The following CARNMT1 variants were observed in gnomAD, a reference collection of about 807,000 sequenced individuals.
CARNMT1 encodes carnosine N-methyltransferase 1.
CARNMT1 carries 28 observed loss-of-function variants against 49.6 expected under a neutral mutation model. The observed-to-expected ratio is 0.56, with a 90% confidence interval of 0.42 to 0.77. The LOEUF is 0.77. CARNMT1 is among the 30% of genes least tolerant of loss of function. CARNMT1 has a pLI of 0.00. For synonymous variants in CARNMT1, 178 were observed against 175.0 expected, an observed-to-expected ratio of 1.02 and a Z score of -0.13; for missense variants, 421 against 512.6, an observed-to-expected ratio of 0.82 and a Z score of 1.73.
chr9:75,009,083 A>C lies in CARNMT1; in HGVS notation c.590+7185T>G, dbSNP rs1025798483. On this transcript the variant is annotated intron_variant, in intron 3 of 7. Transcript: ENST00000376834. ...GTCTTTTTTTTTTTTTTTTTTTTTA[A>C]CAAATGTATTGGGAAAACTGGATAT... Among the ~76,000 whole-genome samples the C allele has an allele frequency of 1.4e-4, 21 of 146,314 alleles. No homozygotes were observed. The East Asian group carries it at 2.6e-3, about 18-fold the overall frequency.
chr9:74,995,351 C>T (rs1277193185), intron 6 of CARNMT1, among the ~76,000 whole-genome samples: 3 of 152,058 alleles, frequency 2.0e-5, no homozygotes, highest in Non-Finnish European at 4.4e-5. Flanking sequence ...TTTGAGATTC[C>T]ACAAGGTATT....
chr9:75,015,160 A>G (rs902635265), intron 3 of CARNMT1, among the ~76,000 whole-genome samples: 1 of 152,190 alleles, frequency 6.6e-6, no homozygotes, highest in Admixed American at 6.5e-5. Flanking sequence ...GGGAATGGGA[A>G]AAAATTACAT....
intron 4 of CARNMT1, 67 bp from the exon 5 acceptor site, chr9:74,998,843 C>T (rs1833274159): frequency 2.2e-6 from 2 of 915,800 alleles, no homozygotes; most frequent in African/African-American, 3.4e-5. Flanking sequence ...ACTTTAAATA[C>T]TAAAAATATA....
chr9:75,007,790 T>C (rs1166906985), intron 3 of CARNMT1, among the ~76,000 whole-genome samples: 1 of 148,890 alleles, frequency 6.7e-6, no homozygotes, highest in African/African-American at 2.5e-5. Flanking sequence ...ATAAAGGGTA[T>C]TTACGAAAGT....
In CARNMT1 at chr9:74,982,036, A is replaced by AAT. The variant is rs1832705839; in HGVS notation, c.*1730_*1731insAT. 1 of 151,900 alleles carries AAT rather than the reference A, an allele frequency of 6.6e-6. No individual in the cohort carries two copies. The highest frequency in any genetic ancestry group is 2.1e-4 in the South Asian group (1 of 4,818). The allele number at this position is 151,900 out of a possible 1,614,324, so 9.4% of individuals were successfully genotyped here. On this transcript the variant is annotated 3_prime_UTR_variant, in exon 8 of 8. Coordinates refer to ENST00000376834, the MANE Select transcript of CARNMT1 (RefSeq NM_152420.3). ...AGAGAAATCTTAAAAAAAAAAAAAA[A>AAT]AGGTTACAGTCTTCCCAATTTTGAC...
chr9:74,984,838 C>T, intron 7 of CARNMT1, 69 bp downstream of exon 7: 1 of 959,784 alleles, frequency 1.0e-6, no homozygotes, highest in Non-Finnish European at 1.7e-6. Flanking sequence ...CACTAACAGC[C>T]ATGATATCAA....
chr9:75,002,935 G>A (rs1238065178), intron 3 of CARNMT1, among the ~76,000 whole-genome samples: 5 of 152,034 alleles, frequency 3.3e-5, no homozygotes, highest in East Asian at 1.9e-4. Flanking sequence ...ATGGGGTTTC[G>A]CCGTGTTGCC....
At chr9:75,027,450 A>G in intron 1 of CARNMT1, 2 of 985,274 alleles carry the variant, frequency 2.0e-6, no homozygotes, top group Non-Finnish European at 2.4e-6. Context: ...AAAGACACTG[A>G]GCAGCATCAT....
chr9:75,023,670 C>A (rs982390975), intron 1 of CARNMT1, among the ~76,000 whole-genome samples: 4 of 152,220 alleles, frequency 2.6e-5, no homozygotes, highest in Non-Finnish European at 5.9e-5. Flanking sequence ...CACTATCCTG[C>A]ACATGCTTAC....
chr9:74,989,227 T>G (rs2118758246), intron 6 of CARNMT1, among the ~76,000 whole-genome samples: 1 of 152,204 alleles, frequency 6.6e-6, no homozygotes, highest in East Asian at 1.9e-4. Flanking sequence ...TCCTCCCACC[T>G]CAGGTCCCAA....
chr9:75,010,963 T>C (rs966916025), intron 3 of CARNMT1, among the ~76,000 whole-genome samples: 6 of 152,054 alleles, frequency 3.9e-5, no homozygotes, highest in African/African-American at 1.4e-4. Flanking sequence ...ACTTTTGTTA[T>C]ATGCAATTCA....
chr9:75,018,397 C>T (rs974476772), intron 1 of CARNMT1, among the ~76,000 whole-genome samples: 51 of 152,076 alleles, frequency 3.4e-4, no homozygotes, highest in African/African-American at 1.2e-3. Context: ...TAAATATATA[C>T]TCACAGTATA....
At chr9:75,007,751 A>T (rs1401399313) in intron 3 of CARNMT1, among the ~76,000 whole-genome samples, 1 of 150,620 alleles carries the variant, frequency 6.6e-6, no homozygotes, top group African/African-American at 2.4e-5. Flanking sequence ...ATAATAAAAA[A>T]AAAAAAACTA....
intron 6 of CARNMT1, among the ~76,000 whole-genome samples, chr9:74,991,997 C>G (rs912182700): frequency 1.3e-5 from 2 of 152,112 alleles, no homozygotes; most frequent in African/African-American, 4.8e-5. Flanking sequence ...CTAGGCCAGG[C>G]ACAGTGGCTC....
intron 6 of CARNMT1, among the ~76,000 whole-genome samples, chr9:74,994,468 G>A (rs1833127720): frequency 6.6e-6 from 1 of 152,156 alleles, no homozygotes; most frequent in African/African-American, 2.4e-5. Flanking sequence ...CTCAGGGCAT[G>A]TTGCCCAGGC....
chr9:74,985,103 G>A, intron 6 of CARNMT1, 93 bp from the exon 7 acceptor site: 1 of 921,262 alleles, frequency 1.1e-6, no homozygotes, highest in Non-Finnish European at 1.7e-6. Context: ...TTAGGTACTG[G>A]ATGAGACAAA....
chr9:75,009,417 C>A (rs1237916595), intron 3 of CARNMT1, among the ~76,000 whole-genome samples: 1 of 151,040 alleles, frequency 6.6e-6, no homozygotes, highest in Admixed American at 6.6e-5. Flanking sequence ...TTTTTCTTTT[C>A]GGTGTAAGTA....
At chr9:74,987,242 A>G (rs1200571129) in intron 6 of CARNMT1, among the ~76,000 whole-genome samples, 1 of 152,214 alleles carries the variant, frequency 6.6e-6, no homozygotes, top group Non-Finnish European at 1.5e-5. Context: ...TCTAAGTTAT[A>G]GATACACTCA....
At chr9:75,027,407 C>T (rs1822563017) in intron 1 of CARNMT1, 1 of 984,910 alleles carries the variant, frequency 1.0e-6, no homozygotes, top group Non-Finnish European at 1.2e-6. Context: ...TTAGAATATC[C>T]GGACCACTTC....
Sources: gnomAD v4.1 joint callset for allele counts (sites outside exome capture counted in the v4.1 genomes callset) on GRCh38, gnomAD v4.1.1 for gene constraint, MANE v1.5 for transcripts, NCBI Gene and HGNC (gene_info 2026-07-23, HGNC 2026-07-21) for gene names.